PTPRD: variants seen among roughly 807,000 people sequenced by gnomAD.
The protein encoded by PTPRD is protein tyrosine phosphatase receptor type D, also known as receptor-type tyrosine-protein phosphatase delta.
A neutral mutation model predicts 214.5 loss-of-function variants in PTPRD; 34 were observed. That is an observed-to-expected ratio of 0.16 (90% CI 0.12 to 0.21). The LOEUF (loss-of-function observed/expected upper bound fraction) is 0.21, where lower values mean the gene tolerates loss of function less well. PTPRD is among the 10% of genes least tolerant of loss of function. PTPRD has a pLI of 1.00. For missense variants in PTPRD, 2,545 were observed against 2,398.7 expected, an observed-to-expected ratio of 1.06 and a Z score of -1.27; for synonymous variants, 1,128 against 845.7, an observed-to-expected ratio of 1.33 and a Z score of -5.79.
chr9:8,713,536 A>T, intron 12 of PTPRD: 1 of 1,282,916 alleles, frequency 7.8e-7, no homozygotes, highest in Non-Finnish European at 1.1e-6. Context: ...GCTGCGGGTG[A>T]AGAACTTCGG....
chr9:9,011,947 G>C (rs1007804929), intron 11 of PTPRD, among the ~76,000 whole-genome samples: 1 of 152,080 alleles, frequency 6.6e-6, no homozygotes, highest in African/African-American at 2.4e-5. Context: ...AATAGAACTT[G>C]GTAAAGATGA....
chr9:9,438,583 C>A (rs1053850721), intron 8 of PTPRD, among the ~76,000 whole-genome samples: 11 of 152,124 alleles, frequency 7.2e-5, no homozygotes, highest in African/African-American at 2.7e-4. Context: ...ACTGGGCCAA[C>A]CAAAGCATCT....
At chr9:10,406,899 G>A (rs2154501989) in intron 2 of PTPRD, among the ~76,000 whole-genome samples, 1 of 151,630 alleles carries the variant, frequency 6.6e-6, no homozygotes, top group African/African-American at 2.4e-5. Flanking sequence ...ACAGACAGGA[G>A]CAATCACCTA....
At chr9:8,787,345 T>C (rs3824447) in intron 11 of PTPRD, among the ~76,000 whole-genome samples, 21,470 of 152,174 alleles carry the variant, frequency 0.14, 1,868 homozygotes, top group East Asian at 0.41. Context: ...TGAGGATTAT[T>C]ATTTCTCTAA....
At chr9:9,886,073 G>C (rs1405613705) in intron 5 of PTPRD, among the ~76,000 whole-genome samples, 1 of 151,786 alleles carries the variant, frequency 6.6e-6, no homozygotes, top group Non-Finnish European at 1.5e-5. Context: ...GCTATGGATA[G>C]AAAACAGAAT....
intron 10 of PTPRD, among the ~76,000 whole-genome samples, chr9:9,027,088 A>G (rs74736042): frequency 6.6e-6 from 1 of 151,494 alleles, no homozygotes; most frequent in Admixed American, 6.6e-5. Flanking sequence ...TGTTCCGCCC[A>G]TTACTATTTC....
chr9:9,074,475 T>C (rs187938515), intron 10 of PTPRD, among the ~76,000 whole-genome samples: 125 of 152,220 alleles, frequency 8.2e-4, no homozygotes, highest in African/African-American at 3.0e-3. Context: ...TTCTGAGAAG[T>C]GATCAAAATT....
At chr9:8,413,700 A>G (rs925772806) in intron 35 of PTPRD, among the ~76,000 whole-genome samples, 1 of 152,166 alleles carries the variant, frequency 6.6e-6, no homozygotes, top group African/African-American at 2.4e-5. Flanking sequence ...CATGGTGCTC[A>G]GGTGTCTTAG....
At chr9:9,148,342 C>G (rs1470431) in intron 10 of PTPRD, among the ~76,000 whole-genome samples, 1 of 151,898 alleles carries the variant, frequency 6.6e-6, no homozygotes, top group South Asian at 2.1e-4. Context: ...TTGGTTTATA[C>G]AGAAGAAAAT....
Position 8,805,666 on chromosome 9 carries a change from A to G in PTPRD, c.-103-71720T>C, listed in dbSNP as rs187392611. On this transcript the variant is annotated intron_variant, in intron 11 of 45. Coordinates refer to ENST00000381196, the MANE Select transcript of PTPRD (RefSeq NM_002839.4). The stretch of plus-strand genomic sequence containing the variant: ...TGCCCAGGCTGGAGTGCAATGGCAC[A>G]ATCTCGGCTCACAGCAACCTCCACC... Among the ~76,000 whole-genome samples, 642 of 151,544 alleles carry G rather than the reference A, an allele frequency of 4.2e-3. 6 individuals carry two copies. Among genetic ancestry groups the G allele is most frequent in the African/African-American group, 0.015 (605 of 41,456 alleles).
At chr9:10,057,904 G>A (rs142235751) in intron 3 of PTPRD, among the ~76,000 whole-genome samples, 1 of 151,292 alleles carries the variant, frequency 6.6e-6, no homozygotes, top group Non-Finnish European at 1.5e-5. Flanking sequence ...ACTTGAAGAA[G>A]CACACCACTG....
At chr9:10,139,725 G>T (rs2098969544) in intron 3 of PTPRD, among the ~76,000 whole-genome samples, 1 of 151,876 alleles carries the variant, frequency 6.6e-6, no homozygotes, top group Non-Finnish European at 1.5e-5. Flanking sequence ...GAAATTACAT[G>T]AATAAAGCCC....
At chr9:9,205,325 TA>T (rs1032300387) in intron 9 of PTPRD, among the ~76,000 whole-genome samples, 14 of 152,158 alleles carry the variant, frequency 9.2e-5, no homozygotes, top group African/African-American at 2.7e-4. Flanking sequence ...AAATATGAAC[TA>T]AGTACTTCAC....
At chr9:8,329,961 G>T (rs1383643516) in intron 44 of PTPRD, among the ~76,000 whole-genome samples, 4 of 150,534 alleles carry the variant, frequency 2.7e-5, no homozygotes, top group Non-Finnish European at 5.9e-5. Context: ...CTGTGGGAGT[G>T]GATCGTATCT....
At chr9:8,858,769 C>T (rs559317639) in intron 11 of PTPRD, among the ~76,000 whole-genome samples, 1 of 147,878 alleles carries the variant, frequency 6.8e-6, no homozygotes. Flanking sequence ...AAAGGAGGGG[C>T]AGGCAGGAGA....
chr9:8,339,493 T>C (rs766887761), intron 42 of PTPRD, among the ~76,000 whole-genome samples: 7 of 152,152 alleles, frequency 4.6e-5, no homozygotes, highest in Non-Finnish European at 7.4e-5. Flanking sequence ...AACCTCCGAA[T>C]TGATTTGTTC....
At chr9:8,926,283 C>T (rs984112096) in intron 11 of PTPRD, among the ~76,000 whole-genome samples, 4 of 152,134 alleles carry the variant, frequency 2.6e-5, no homozygotes, top group African/African-American at 7.2e-5. Context: ...CCTTGATCAA[C>T]CCAATCTGTA....
intron 2 of PTPRD, among the ~76,000 whole-genome samples, chr9:10,515,399 C>T (rs1253419890): frequency 6.9e-6 from 1 of 144,822 alleles, no homozygotes; most frequent in Admixed American, 6.8e-5. Flanking sequence ...TCTTTTATTA[C>T]CATAAAAGGG....
At chr9:9,832,125 T>C (rs2055063342) in intron 5 of PTPRD, among the ~76,000 whole-genome samples, 1 of 151,982 alleles carries the variant, frequency 6.6e-6, no homozygotes, top group African/African-American at 2.4e-5. Context: ...GAAAAATGCA[T>C]AAGTGAGCCA....
Sources: allele counts gnomAD v4.1 joint callset (sites outside exome capture counted in the v4.1 genomes callset), GRCh38; gene constraint gnomAD v4.1.1; transcripts MANE v1.5; gene names NCBI Gene and HGNC (gene_info 2026-07-23, HGNC 2026-07-21).